ANKRD24: variants seen among roughly 807,000 people sequenced by gnomAD.
ANKRD24 encodes the protein ankyrin repeat domain-containing protein 24.
In ANKRD24, 109 loss-of-function variants were observed where a neutral mutation model predicts 127.8. The ratio of observed to expected loss-of-function variants is 0.85; its 90% CI spans 0.73 to 1.00. The LOEUF (loss-of-function observed/expected upper bound fraction) is 1.00. Among genes scored for constraint, ANKRD24 ranks in the 50% least tolerant of loss-of-function variants. The pLI, the probability that ANKRD24 is intolerant of heterozygous loss-of-function variation, is 0.00. For synonymous variants in ANKRD24, 743 were observed against 671.1 expected, an observed-to-expected ratio of 1.11 and a Z score of -1.66; for missense variants, 1,648 against 1,570.2, an observed-to-expected ratio of 1.05 and a Z score of -0.84.
rs913082733 is a variant in ANKRD24, at chr19:4,195,226, C to G, written c.37-4457C>G. 6.6e-6 allele frequency among the ~76,000 whole-genome samples: 1 copy of G among 152,074 alleles called. No individual in the cohort carries two copies. The highest frequency in any genetic ancestry group is 1.5e-5 in the Non-Finnish European group (1 of 68,022). ...TAGCTGGGACTACAGGCGCCCACCA[C>G]CACGCCCGGCTAATTTTTTGTATTT... On this transcript the variant is annotated intron_variant, in intron 2 of 21. Transcript: ENST00000318934. This position sits in a 1 kb window ranked among gnomAD's most constrained non-coding sequence, Gnocchi z 4.2.
At position 4,217,586 on chromosome 19, in the gene ANKRD24, A is replaced by T; in HGVS notation, c.2426A>T (p.Glu809Val). 1 of 1,307,206 alleles carries T rather than the reference A, an allele frequency of 7.6e-7. No individual in the cohort carries two copies. The highest frequency in any genetic ancestry group is 9.7e-7 in the Non-Finnish European group (1 of 1,032,922). 81.0% of individuals were successfully genotyped at this position (1,307,206 alleles called of 1,614,324 possible). Reference protein sequence around the residue: ...RDRDSRLRELEAASACLDEAR... With the variant: ...RDRDSRLRELVAASACLDEAR... ...CGGGACTCCCGCCTGCGGGAGCTGG[A>T]GGCGGCCTCGGCCTGCCTGGATGAG... The change falls in exon 18 of 22, where the codon GAG becomes GTG. Residue 809 changes from glutamate (E) to valine (V), a missense_variant. Transcript: ENST00000318934.
rs1970190076 is a variant in ANKRD24, at chr19:4,217,675, C to A, written c.2515C>A (p.Arg839=). The A allele has an allele frequency of 7.8e-7, 1 of 1,284,270 alleles. No homozygotes were observed. Among genetic ancestry groups the A allele is most frequent in the South Asian group, 2.4e-5 (1 of 42,262 alleles). The allele number at this position is 1,284,270 out of a possible 1,614,324, so 79.6% of individuals were successfully genotyped here. A position where few individuals can be genotyped will look rare whatever the true frequency, so the allele number is the denominator to read the frequency against. The change falls in exon 18 of 22, where the codon CGG becomes AGG. Residue 839 remains arginine (R), a synonymous_variant. Coordinates refer to ENST00000318934, the MANE Select transcript of ANKRD24 (RefSeq NM_001393985.1). ...GGGCCTGCGGGCCGAGCTGGCCCAG[C>A]GGGAGGAGGCGCGGCTGGAGCAGAG... ...ARGLRAELAQ[R]EEARLEQSRE...
In ANKRD24 at chr19:4,207,651, C is replaced by T. The variant is rs369247215; in HGVS notation, c.644+44C>T. On this transcript the variant is annotated intron_variant, in intron 9 of 21. Coordinates refer to ENST00000318934, the MANE Select transcript of ANKRD24 (RefSeq NM_001393985.1). ...AGCCAGTCCACCCTATGCTGTGTGA[C>T]CTTCGGCAAGACTTAACCTAAGTAA... 3.4e-4 allele frequency: 545 copies of T among 1,606,228 alleles called. 1 individual carries two copies. The highest frequency in any genetic ancestry group is 4.1e-4 in the Non-Finnish European group (482 of 1,173,104).
Position 4,216,278 on chromosome 19 carries a change from C to G in ANKRD24, c.1271-6C>G. 6.4e-7 allele frequency: 1 copy of G among 1,552,252 alleles called. No homozygotes were observed. The highest frequency in any genetic ancestry group is 8.7e-7 in the Non-Finnish European group (1 of 1,147,364). On this transcript the variant is annotated splice_polypyrimidine_tract_variant and splice_region_variant and intron_variant, in intron 16 of 21. Coordinates refer to ENST00000318934, the MANE Select transcript of ANKRD24 (RefSeq NM_001393985.1). The stretch of plus-strand genomic sequence containing the variant: ...CCCCAGGGCCTGACTCTGCGTCCCC[C>G]TCCAGGGGCCGAGGTGCTGCTGTCC...
intron 2 of ANKRD24, among the ~76,000 whole-genome samples, chr19:4,192,757 C>T (rs566716122): frequency 1.3e-5 from 2 of 150,528 alleles, no homozygotes; most frequent in African/African-American, 4.9e-5. Context: ...ATAGCAAGAC[C>T]CCATCTCTTC....
Position 4,198,935 on chromosome 19 carries a change from A to T in ANKRD24, c.37-748A>T, listed in dbSNP as rs1968929068. ...AACATTTGAGGGATGTTTTTGGAGG[A>T]TATTTTTGGGACATGACGGTATCAT... is the stretch of plus-strand genomic sequence containing the variant. On this transcript the variant is annotated intron_variant, in intron 2 of 21. Coordinates refer to ENST00000318934, the MANE Select transcript of ANKRD24 (RefSeq NM_001393985.1). The surrounding 1 kb of genome is among the most constrained non-coding windows in gnomAD (Gnocchi z 6.1). Among the ~76,000 whole-genome samples the T allele has an allele frequency of 6.6e-6, 1 of 151,974 alleles. No homozygotes were observed. The highest frequency in any genetic ancestry group is 1.5e-5 in the Non-Finnish European group (1 of 68,006).
chr19:4,224,555 A>AC lies in ANKRD24; in HGVS notation c.*56dup, dbSNP rs563331437. Reference sequence around the variant, plus strand: ...CTGACCACACCCACGCAGGGACCTCACCCCCCTGCAGGCCCCTTGCAGACC... The same window carrying AC: ...CTGACCACACCCACGCAGGGACCTCACCCCCCCTGCAGGCCCCTTGCAGACC... On this transcript the variant is annotated 3_prime_UTR_variant, in exon 22 of 22. Transcript: ENST00000318934. 239 of 1,529,588 alleles carry AC rather than the reference A, an allele frequency of 1.6e-4. No individual in the cohort carries two copies. In the African/African-American group the frequency reaches 3.0e-3, roughly 19 times the overall value. The allele number at this position is 1,529,588 out of a possible 1,614,324, so 94.8% of individuals were successfully genotyped here. A position where few individuals can be genotyped will look rare whatever the true frequency, so the allele number is the denominator to read the frequency against.
chr19:4,195,087 T>TGTTTGTTTG lies in ANKRD24; in HGVS notation c.37-4596_37-4595insGTTTGTTTG, dbSNP rs60088350. Among the ~76,000 whole-genome samples the TGTTTGTTTG allele has an allele frequency of 6.6e-6, 1 of 151,510 alleles. No homozygotes were observed. The highest frequency in any genetic ancestry group is 2.4e-5 in the African/African-American group (1 of 41,190). ...TTGTTTGTTTGTTTGTTTGTTTGTT[T>TGTTTGTTTG]TTAGAGAGGGAGTCTCACTCTGTCA... On this transcript the variant is annotated intron_variant, in intron 2 of 21. Transcript: ENST00000318934. This position sits in a 1 kb window ranked among gnomAD's most constrained non-coding sequence, Gnocchi z 4.2.
At chr19:4,212,286 G>T (rs1480343039) in intron 13 of ANKRD24, among the ~76,000 whole-genome samples, 189 bp from the exon 14 acceptor site, 1 of 152,188 alleles carries the variant, frequency 6.6e-6, no homozygotes, top group South Asian at 2.1e-4. Flanking sequence ...TAATGAGTGA[G>T]CAGGCAGAAT....
chr19:4,217,091 AAAC>A lies in ANKRD24; in HGVS notation c.1934_1936del (p.Thr645del), dbSNP rs1401897736. On this transcript the variant is annotated inframe_deletion, in exon 18 of 22. Coordinates refer to ENST00000318934, the MANE Select transcript of ANKRD24 (RefSeq NM_001393985.1). Reference sequence around the variant, plus strand: ...GAGGCCATGGGGGTGGAGGCCACAAAAACAAAAGCAGAGGAAGCAGAAATGCAG... The same window carrying A: ...GAGGCCATGGGGGTGGAGGCCACAAAAAAAGCAGAGGAAGCAGAAATGCAG... 4 of 1,613,630 alleles carry A rather than the reference AAAC, an allele frequency of 2.5e-6. No individual in the cohort carries two copies. Among genetic ancestry groups the A allele is most frequent in the South Asian group, 1.1e-5 (1 of 91,066 alleles).
intron 1 of ANKRD24, 26 bp from the exon 2 acceptor site, chr19:4,186,364 C>T (rs1172288278): frequency 1.3e-6 from 2 of 1,556,200 alleles, no homozygotes; most frequent in Admixed American, 1.9e-5. Flanking sequence ...TGTCCCTCAC[C>T]TTACCCCCAC....
At chr19:4,209,296 T>C (rs10439147) in intron 11 of ANKRD24, among the ~76,000 whole-genome samples, 114,827 of 151,776 alleles carry the variant, frequency 0.76, 43,535 homozygotes, top group African/African-American at 0.77. Context: ...TTAGTAGAGA[T>C]GGGGTTTCAC....
At position 4,216,550 on chromosome 19, in the gene ANKRD24, A is replaced by G. The variant is rs1371927445; in HGVS notation, c.1390A>G (p.Ile464Val). Residue 464 changes from isoleucine to valine, a missense_variant and splice_region_variant, in exon 18 of 22, where the codon ATC (isoleucine) becomes GTC (valine). Physicochemically the swap from Ile to Val is conservative, Grantham distance 29. Transcript: ENST00000318934. ...QNQELMEKVQ[I>V]LENFEKDETQ... is the part of the protein sequence containing the mutation. Reference sequence around the variant, plus strand: ...TCCTGCCCCCCACTCCACTCCCCAGATCCTGGAGAACTTTGAGAAGGACGA... The same window carrying G: ...TCCTGCCCCCCACTCCACTCCCCAGGTCCTGGAGAACTTTGAGAAGGACGA... 2.5e-6 allele frequency: 4 copies of G among 1,605,126 alleles called. No individual in the cohort carries two copies. Among genetic ancestry groups the G allele is most frequent in the Non-Finnish European group, 3.4e-6 (4 of 1,175,228 alleles).
rs553086421 is a variant in ANKRD24, at chr19:4,218,733, C to A, written c.3003+570C>A. 1.3e-4 allele frequency among the ~76,000 whole-genome samples: 20 copies of A among 149,862 alleles called. 1 individual carries two copies. The East Asian group carries it at 4.0e-3, about 30-fold the overall frequency. ...CTTTCTTCATCCCCCTTCCCTCCCC[C>A]CTTCCCCTTCCCTTCCTTTCTTTTT... On this transcript the variant is annotated intron_variant, in intron 18 of 21. Transcript: ENST00000318934.
At chr19:4,191,155 C>G (rs1333910024) in intron 2 of ANKRD24, among the ~76,000 whole-genome samples, 1 of 152,200 alleles carries the variant, frequency 6.6e-6, no homozygotes, top group Non-Finnish European at 1.5e-5. Context: ...CTGGCTGTTG[C>G]TGGGAAGCTG....
chr19:4,196,984 T>G (rs1220888638), intron 2 of ANKRD24, among the ~76,000 whole-genome samples: 2 of 152,156 alleles, frequency 1.3e-5, no homozygotes, highest in African/African-American at 4.8e-5. Flanking sequence ...CGGGACCAGC[T>G]AGCTCTTTCT....
intron 15 of ANKRD24, among the ~76,000 whole-genome samples, chr19:4,214,758 G>A (rs761536974): frequency 6.6e-6 from 1 of 152,178 alleles, no homozygotes; most frequent in Non-Finnish European, 1.5e-5. Flanking sequence ...GGAGGCTAAG[G>A]CAGGAGAATC....
rs984893386 is a variant in ANKRD24 at position 4,195,031 on chromosome 19, G to A, written c.37-4652G>A. 2.7e-5 allele frequency among the ~76,000 whole-genome samples: 4 copies of A among 149,796 alleles called. No individual in the cohort carries two copies. The highest frequency in any genetic ancestry group is 9.8e-5 in the African/African-American group (4 of 40,740). On this transcript the variant is annotated intron_variant, in intron 2 of 21. Coordinates refer to ENST00000318934, the MANE Select transcript of ANKRD24 (RefSeq NM_001393985.1). The surrounding 1 kb of genome is among the most constrained non-coding windows in gnomAD (Gnocchi z 4.2). ...CTCCCAGGCTGGAGTGCAGTGGTGC[G>A]ATCTCGGCGTGAGCCACCGCGCCCA...
At position 4,198,723 on chromosome 19, in the gene ANKRD24, T is replaced by G. The variant is rs1371241290; in HGVS notation, c.37-960T>G. ...AATGGAAGAGACATTTGGGGAGACA[T>G]GTGGACACGTTTTGGAAGACTCTTT... On this transcript the variant is annotated intron_variant, in intron 2 of 21. Transcript: ENST00000318934. The surrounding 1 kb of genome is among the most constrained non-coding windows in gnomAD (Gnocchi z 6.1). Among the ~76,000 whole-genome samples, 1 of 151,780 alleles carries G rather than the reference T, an allele frequency of 6.6e-6. No individual in the cohort carries two copies. The highest frequency in any genetic ancestry group is 1.5e-5 in the Non-Finnish European group (1 of 67,998).
Sources: gnomAD v4.1 joint callset for allele counts (sites outside exome capture counted in the v4.1 genomes callset) on GRCh38, gnomAD v4.1.1 for gene constraint, Gnocchi (gnomAD v3.1) non-coding constraint, MANE v1.5 for transcripts, NCBI Gene and HGNC (gene_info 2026-07-23, HGNC 2026-07-21) for gene names.